Variants in EGF observed in about 807,000 individuals in gnomAD.
The protein encoded by EGF is pro-epidermal growth factor.
A neutral mutation model predicts 143.8 loss-of-function variants in EGF; 95 were observed. The observed-to-expected ratio is 0.66, with a 90% CI of 0.56 to 0.78. The LOEUF is 0.78. EGF is among the 30% of genes least tolerant of loss of function. The pLI is 0.00. For synonymous variants in EGF, 510 were observed against 510.5 expected (o/e 1.00, Z 0.01); for missense variants, 1,320 against 1,470.9 (o/e 0.90, Z 1.68).
At chr4:109,953,805 T>C (rs1744330541) in intron 5 of EGF, among the ~76,000 whole-genome samples, 1 of 152,224 alleles carries the variant, frequency 6.6e-6, no homozygotes, top group Admixed American at 6.5e-5. Flanking sequence ...AACACTGGAC[T>C]CACGCAGCCA....
intron 21 of EGF, among the ~76,000 whole-genome samples, chr4:110,000,262 A>AG (rs1752401595): frequency 6.6e-6 from 1 of 152,086 alleles, no homozygotes; most frequent in African/African-American, 2.4e-5. Context: ...AAAAAAAAAA[A>AG]AAAAAAAAGG....
intron 22 of EGF, among the ~76,000 whole-genome samples, chr4:110,005,009 CTTTCT>C (rs1475617755): frequency 1.6e-5 from 2 of 125,268 alleles, no homozygotes; most frequent in Non-Finnish European, 3.5e-5. Flanking sequence ...TTCTTTCTTT[CTTTCT>C]TTTCTTTTTC....
At chr4:109,998,497 C>A (rs528135839) in intron 20 of EGF, among the ~76,000 whole-genome samples, 1 of 152,320 alleles carries the variant, frequency 6.6e-6, no homozygotes, top group South Asian at 2.1e-4. Context: ...ACTCCTTGAG[C>A]CTCAGTTTCC....
chr4:109,990,726 T>G (rs1416452449), intron 18 of EGF, among the ~76,000 whole-genome samples: 1 of 152,176 alleles, frequency 6.6e-6, no homozygotes, highest in African/African-American at 2.4e-5. Context: ...GGCTTGCAGA[T>G]GGCCACCTGC....
chr4:109,927,512 C>T (rs941506165), intron 1 of EGF, among the ~76,000 whole-genome samples: 17 of 152,042 alleles, frequency 1.1e-4, no homozygotes, highest in Admixed American at 5.9e-4. Context: ...ATCACGAGGT[C>T]AGGAGATTGA....
intron 1 of EGF, among the ~76,000 whole-genome samples, chr4:109,917,032 T>C (rs1246661475): frequency 6.6e-6 from 1 of 152,230 alleles, no homozygotes; most frequent in Non-Finnish European, 1.5e-5. Flanking sequence ...CTTTTTCTTA[T>C]ACCAACTGAT....
At chr4:109,975,730 T>C (rs1379974186) in intron 12 of EGF, among the ~76,000 whole-genome samples, 4 of 152,256 alleles carry the variant, frequency 2.6e-5, no homozygotes, top group Non-Finnish European at 5.9e-5. Flanking sequence ...CATGACTATT[T>C]TATTAGTCAT....
chr4:109,983,935 G>A (rs1281218341), intron 16 of EGF, among the ~76,000 whole-genome samples: 3 of 152,360 alleles, frequency 2.0e-5, no homozygotes, highest in Admixed American at 6.5e-5. Context: ...AATATAGGTT[G>A]AGCACTTCAA....
At chr4:109,980,633 C>T in intron 14 of EGF, 193 bp from the exon 15 acceptor site, 1 of 632,542 alleles carries the variant, frequency 1.6e-6, no homozygotes, top group Non-Finnish European at 2.8e-6. Context: ...TAATAACATT[C>T]TGGGCTTATC....
intron 10 of EGF, among the ~76,000 whole-genome samples, chr4:109,965,983 G>T (rs1055642703): frequency 4.0e-5 from 6 of 151,780 alleles, no homozygotes; most frequent in Admixed American, 6.6e-5. Flanking sequence ...TGTACTCACA[G>T]TTAAAATTCT....
chr4:109,967,971 G>A (rs1380393522), intron 10 of EGF, among the ~76,000 whole-genome samples: 1 of 152,180 alleles, frequency 6.6e-6, no homozygotes, highest in Non-Finnish European at 1.5e-5. Flanking sequence ...AGAACTGGAA[G>A]TTGCACTGGA....
intron 10 of EGF, among the ~76,000 whole-genome samples, chr4:109,964,996 T>C (rs1004527197): frequency 6.6e-6 from 1 of 152,124 alleles, no homozygotes; most frequent in Admixed American, 6.6e-5. Flanking sequence ...CTCTTAACCA[T>C]GAAAATCAGG....
intron 5 of EGF, among the ~76,000 whole-genome samples, chr4:109,945,752 A>G (rs1579558407): frequency 6.6e-6 from 1 of 152,178 alleles, no homozygotes; most frequent in African/African-American, 2.4e-5. Flanking sequence ...AAGACAGAGG[A>G]AAAGGACTTT....
At chr4:109,992,375 T>C (rs969697846) in intron 18 of EGF, 1 of 152,044 alleles carries the variant, frequency 6.6e-6, no homozygotes, top group Non-Finnish European at 1.5e-5. Flanking sequence ...ACAGAGAAGA[T>C]TAGCATGGCC....
At chr4:109,937,553 G>A (rs1197142857) in intron 1 of EGF, among the ~76,000 whole-genome samples, 1 of 152,160 alleles carries the variant, frequency 6.6e-6, no homozygotes, top group South Asian at 2.1e-4. Flanking sequence ...GGTTAATATT[G>A]TTATATGTGA....
At chr4:109,995,024 G>T in intron 20 of EGF, 144 bp downstream of exon 20, 1 of 929,978 alleles carries the variant, frequency 1.1e-6, no homozygotes. Context: ...TATGAACCAC[G>T]TGTGTGCACT....
intron 1 of EGF, among the ~76,000 whole-genome samples, chr4:109,933,324 A>G (rs1740135180): frequency 6.6e-6 from 1 of 152,142 alleles, no homozygotes; most frequent in Non-Finnish European, 1.5e-5. Context: ...ATCTGGGAAT[A>G]ATAATTTGAG....
rs57083170 is a variant in EGF, at chr4:109,937,359, CTTT to C, written c.128-3574_128-3572del. Among the ~76,000 whole-genome samples the C allele has an allele frequency of 9.1e-4, 127 of 139,434 alleles. 1 individual carries two copies. In the Middle Eastern group the frequency reaches 0.018, roughly 20 times the overall value. The allele number at this position is 139,434 out of a possible 152,430, so 91.5% of individuals were successfully genotyped here. A position where few individuals can be genotyped will look rare whatever the true frequency, so the allele number is the denominator to read the frequency against. Reference sequence around the variant, plus strand: ...TCAAAGACCAGGATTGCAATCCCTGCTTTTTTTTTTTTTTTGCTTTCCATTAGC... The same window carrying C: ...TCAAAGACCAGGATTGCAATCCCTGCTTTTTTTTTTTTGCTTTCCATTAGC... On this transcript the variant is annotated intron_variant, in intron 1 of 23. Coordinates refer to ENST00000265171, the MANE Select transcript of EGF (RefSeq NM_001963.6).
chr4:109,980,852 G>A lies in EGF; in HGVS notation c.2248G>A (p.Gly750Arg). ...PGADPCLYQN[G>R]GCEHICKKRL... Reference sequence around the variant, plus strand: ...AGCAGATCCCTGCTTATATCAAAACGGAGGCTGTGAACATATTTGCAAAAA... The same window carrying A: ...AGCAGATCCCTGCTTATATCAAAACAGAGGCTGTGAACATATTTGCAAAAA... The change falls in exon 15 of 24, where the codon GGA becomes AGA. Residue 750 changes from glycine (G) to arginine (R), a missense_variant. Transcript: ENST00000265171. 3 of 1,613,998 alleles carry A rather than the reference G, an allele frequency of 1.9e-6. No individual in the cohort carries two copies. The highest frequency in any genetic ancestry group is 2.5e-6 in the Non-Finnish European group (3 of 1,179,950).
Sources: gnomAD v4.1 joint callset for allele counts (sites outside exome capture counted in the v4.1 genomes callset) on GRCh38, gnomAD v4.1.1 for gene constraint, MANE v1.5 for transcripts, NCBI Gene and HGNC (gene_info 2026-07-23, HGNC 2026-07-21) for gene names.